GALNT14: variants seen among roughly 807,000 people sequenced by gnomAD.
GALNT14 encodes the protein UDP-GalNAc:polypeptide N-acetylgalactosaminyltransferase 14.
A neutral mutation model predicts 77.5 loss-of-function variants in GALNT14; 60 were observed. The ratio of observed to expected loss-of-function variants is 0.77; its 90% CI spans 0.63 to 0.96. The LOEUF (loss-of-function observed/expected upper bound fraction) is 0.96, where lower values mean the gene tolerates loss of function less well. GALNT14 is among the 40% of genes least tolerant of loss of function. The probability of loss-of-function intolerance (pLI) is 0.00; values close to 1 mark genes in which losing one functional copy is unlikely to be tolerated. For synonymous variants in GALNT14, 280 were observed against 281.7 expected (o/e 0.99, Z 0.06); for missense variants, 710 against 731.0 (o/e 0.97, Z 0.33).
Position 31,114,272 on chromosome 2 carries a change from T to C in GALNT14, c.129+23686A>G, listed in dbSNP as rs561358829. Among the ~76,000 whole-genome samples the C allele has an allele frequency of 9.3e-5, 13 of 140,312 alleles. No homozygotes were observed. In the South Asian group the frequency reaches 2.0e-3, roughly 21 times the overall value. 92.1% of individuals were successfully genotyped at this position (140,312 alleles called of 152,430 possible). On this transcript the variant is annotated intron_variant, in intron 1 of 14. Coordinates refer to ENST00000349752, the MANE Select transcript of GALNT14 (RefSeq NM_024572.4). ...GCAGCTGGTCCTAAGCTGCAACAAG[T>C]GGGAAAAAAAAAAAAAGCCACCCAC...
At chr2:31,062,964 A>T (rs55667095) in intron 1 of GALNT14, among the ~76,000 whole-genome samples, 4,195 of 152,000 alleles carry the variant, frequency 0.028, 174 homozygotes, top group East Asian at 0.22. Flanking sequence ...TGGATATTAG[A>T]CCTTTGTCAG....
intron 1 of GALNT14, among the ~76,000 whole-genome samples, chr2:30,995,479 C>T (rs1558477002): frequency 6.6e-6 from 1 of 152,130 alleles, no homozygotes; most frequent in Non-Finnish European, 1.5e-5. Context: ...CATTCACACA[C>T]AAGGATGAAA....
At chr2:31,011,805 G>A (rs1202694569) in intron 1 of GALNT14, among the ~76,000 whole-genome samples, 1 of 152,162 alleles carries the variant, frequency 6.6e-6, no homozygotes, top group African/African-American at 2.4e-5. Flanking sequence ...CTGTGCAGAG[G>A]GACTCCATAA....
Position 30,945,821 on chromosome 2 carries a change from G to A in GALNT14, c.704C>T (p.Thr235Ile), listed in dbSNP as rs370991103. The change falls in exon 7 of 15, where the codon ACC becomes ATC. Residue 235 changes from threonine (T) to isoleucine (I), a missense_variant. Thr to Ile is a moderately conservative substitution (Grantham distance 89, BLOSUM62 -1). Coordinates refer to ENST00000349752, the MANE Select transcript of GALNT14 (RefSeq NM_024572.4). ...CPVIDIINLD[T>I]FTYIESASEL... The stretch of plus-strand genomic sequence containing the variant: ...CGAGGCAGACTCGATGTAGGTGAAG[G>A]TGTCCAGGTTAATGATATCGATCAC... 5.6e-6 allele frequency: 9 copies of A among 1,614,054 alleles called. No homozygotes were observed. The highest frequency in any genetic ancestry group is 7.6e-6 in the Non-Finnish European group (9 of 1,180,032).
intron 1 of GALNT14, among the ~76,000 whole-genome samples, chr2:31,036,535 G>A (rs1490474254): frequency 3.9e-5 from 6 of 152,208 alleles, no homozygotes; most frequent in East Asian, 3.9e-4. Flanking sequence ...TAGGAAAAGC[G>A]TTACAGACAA....
rs748313233 is a variant in GALNT14 at position 31,138,132 on chromosome 2, A to T, written c.-46T>A. On this transcript the variant is annotated 5_prime_UTR_variant, in exon 1 of 15. Coordinates refer to ENST00000349752, the MANE Select transcript of GALNT14 (RefSeq NM_024572.4). ...CTCCGCGGCGCTACGTCCCGGGGGC[A>T]CCCCCCGGCGGTCAGGGTTGGCGGG... The T allele has an allele frequency of 1.2e-6, 2 of 1,610,794 alleles. No individual in the cohort carries two copies. The highest frequency in any genetic ancestry group is 8.5e-7 in the Non-Finnish European group (1 of 1,178,588).
intron 3 of GALNT14, among the ~76,000 whole-genome samples, chr2:30,962,572 G>A (rs570920215): frequency 6.6e-6 from 1 of 152,298 alleles, no homozygotes; most frequent in South Asian, 2.1e-4. Context: ...CCACTCTTCA[G>A]GGCTTGTTTT....
In GALNT14 at chr2:31,059,705, TA is replaced by T. The variant is rs1558535186; in HGVS notation, c.130-66699del. The stretch of plus-strand genomic sequence containing the variant: ...AGGCAACAGAGCAAGACACTGTATT[TA>T]AAAAAATTAAAAATAAAAATGATAA... On this transcript the variant is annotated intron_variant, in intron 1 of 14. Coordinates refer to ENST00000349752, the MANE Select transcript of GALNT14 (RefSeq NM_024572.4). Among the ~76,000 whole-genome samples the T allele has an allele frequency of 3.3e-5, 5 of 152,140 alleles. No homozygotes were observed. The East Asian group carries it at 9.7e-4, about 29-fold the overall frequency.
At chr2:30,929,993 C>T (rs1311702301) in intron 10 of GALNT14, among the ~76,000 whole-genome samples, 1 of 152,224 alleles carries the variant, frequency 6.6e-6, no homozygotes, top group Non-Finnish European at 1.5e-5. Context: ...CCACCTGTGG[C>T]ATCATGTGGG....
At chr2:31,006,482 T>A (rs910368273) in intron 1 of GALNT14, among the ~76,000 whole-genome samples, 1 of 152,144 alleles carries the variant, frequency 6.6e-6, no homozygotes, top group African/African-American at 2.4e-5. Context: ...CCGAGTTTCA[T>A]GGTGCTAACG....
intron 1 of GALNT14, among the ~76,000 whole-genome samples, chr2:31,131,226 AC>A (rs1678977465): frequency 1.3e-5 from 2 of 151,786 alleles, no homozygotes; most frequent in Admixed American, 1.3e-4. Flanking sequence ...AGAAGGTGGG[AC>A]TCTCTCTATC....
intron 1 of GALNT14, among the ~76,000 whole-genome samples, chr2:31,094,197 T>C (rs1441737775): frequency 2.0e-5 from 3 of 152,244 alleles, no homozygotes; most frequent in African/African-American, 7.2e-5. Context: ...GAAGGTTCTT[T>C]GTAATCTCCC....
intron 1 of GALNT14, among the ~76,000 whole-genome samples, chr2:31,127,355 T>A (rs934770833): frequency 6.6e-6 from 1 of 152,252 alleles, no homozygotes; most frequent in Non-Finnish European, 1.5e-5. Flanking sequence ...TTTATATTTA[T>A]AAATCTTTCA....
intron 11 of GALNT14, among the ~76,000 whole-genome samples, chr2:30,928,842 C>T (rs997958936): frequency 6.6e-6 from 1 of 152,108 alleles, no homozygotes; most frequent in Non-Finnish European, 1.5e-5. Flanking sequence ...GTCTCAGACT[C>T]CTGACCTTGT....
At chr2:30,949,092 T>C (rs942401869) in intron 6 of GALNT14, among the ~76,000 whole-genome samples, 5 of 152,148 alleles carry the variant, frequency 3.3e-5, no homozygotes, top group African/African-American at 1.2e-4. Context: ...GGTCTAAGTA[T>C]GTATAAAGCT....
chr2:30,917,234 G>A (rs1422970099), intron 13 of GALNT14, among the ~76,000 whole-genome samples: 5 of 152,116 alleles, frequency 3.3e-5, no homozygotes, highest in Admixed American at 6.6e-5. Flanking sequence ...CCCACTCAGC[G>A]GACCTCTGGC....
intron 2 of GALNT14, among the ~76,000 whole-genome samples, chr2:30,968,797 T>C (rs1668166446): frequency 6.6e-6 from 1 of 152,206 alleles, no homozygotes; most frequent in Non-Finnish European, 1.5e-5. Flanking sequence ...TGATTTGTTG[T>C]ACATTAGATA....
chr2:31,103,080 C>T (rs1241461639), intron 1 of GALNT14, among the ~76,000 whole-genome samples: 2 of 152,078 alleles, frequency 1.3e-5, no homozygotes, highest in Non-Finnish European at 2.9e-5. Flanking sequence ...CTTTCTGAAA[C>T]TCTTCTTAAA....
chr2:31,068,912 T>C (rs2148558542), intron 1 of GALNT14, among the ~76,000 whole-genome samples: 1 of 152,312 alleles, frequency 6.6e-6, no homozygotes, highest in South Asian at 2.1e-4. Context: ...GGCCACGTAT[T>C]GTATGATTCT....
Sources: gnomAD v4.1 joint callset for allele counts (sites outside exome capture counted in the v4.1 genomes callset) on GRCh38, gnomAD v4.1.1 for gene constraint, MANE v1.5 for transcripts, NCBI Gene and HGNC (gene_info 2026-07-23, HGNC 2026-07-21) for gene names.